Variants in LUZP4 observed in about 807,000 individuals in gnomAD.
LUZP4 encodes the protein leucine zipper protein 4, also known as HOM-TES-85 tumor antigen.
In LUZP4, 11 loss-of-function variants were observed where a neutral mutation model predicts 8.5. The ratio of observed to expected loss-of-function variants is 1.30; its 90% CI spans 0.82 to 2.14. The LOEUF is 2.14. Among genes scored for constraint, LUZP4 ranks in the 30% most tolerant of loss-of-function variants. LUZP4 has a pLI of 0.00. For synonymous variants in LUZP4, 104 were observed against 79.4 expected, an observed-to-expected ratio of 1.31 and a Z score of -1.65; for missense variants, 276 against 229.7, an observed-to-expected ratio of 1.20 and a Z score of -1.30.
intron 1 of LUZP4, among the ~76,000 whole-genome samples, chrX:115,292,841 C>CT (rs2073354393): frequency 9.0e-6 from 1 of 110,949 alleles, no homozygotes; most frequent in Non-Finnish European, 1.9e-5. Flanking sequence ...TGAAAAGTAA[C>CT]TAAGTATTTT....
In LUZP4 at chrX:115,306,395, G is replaced by A; in HGVS notation, c.533G>A (p.Gly178Glu). The A allele has an allele frequency of 8.3e-7, 1 of 1,211,080 alleles. No homozygotes were observed. Among genetic ancestry groups the A allele is most frequent in the South Asian group, 1.8e-5 (1 of 56,924 alleles). The part of the protein sequence containing the change: ...RSLSQSDRSQ[G>E]QLKRHHPQYE... ...CTTTCTCAGTCAGACAGATCTCAAG[G>A]GCAGCTAAAGAGACATCATCCCCAA... Residue 178 changes from glycine (G) to glutamate (E), a missense_variant, in exon 4 of 4, where the codon GGG becomes GAG. Transcript: ENST00000371920.
chrX:115,300,531 G>GT (rs1432874725), intron 1 of LUZP4, among the ~76,000 whole-genome samples: 1 of 112,290 alleles, frequency 8.9e-6, no homozygotes, highest in Non-Finnish European at 1.9e-5. Context: ...TACCTTTCAG[G>GT]TTTACTTGGA....
chrX:115,293,174 ATCTG>A (rs1284477366), intron 1 of LUZP4, among the ~76,000 whole-genome samples: 1 of 111,765 alleles, frequency 8.9e-6, no homozygotes, highest in Non-Finnish European at 1.9e-5. Context: ...CACTACAGCC[ATCTG>A]TCTGGCCACC....
intron 1 of LUZP4, among the ~76,000 whole-genome samples, chrX:115,298,961 T>C (rs1311814323): frequency 3.6e-5 from 4 of 111,297 alleles, no homozygotes; most frequent in Non-Finnish European, 7.5e-5. Context: ...TTTCCAGATA[T>C]TTGAAAGGAC....
At chrX:115,296,744 A>C (rs2073372409) in intron 1 of LUZP4, among the ~76,000 whole-genome samples, 2 of 111,501 alleles carry the variant, frequency 1.8e-5, no homozygotes, top group Admixed American at 1.9e-4. Context: ...CTGGAACTAC[A>C]AAGTCTAAGG....
At chrX:115,303,676 A>T (rs1556602613) in intron 3 of LUZP4, among the ~76,000 whole-genome samples, 7 of 112,267 alleles carry the variant, frequency 6.2e-5, no homozygotes. Context: ...TAGATTATTA[A>T]TTATTGTCAT....
chrX:115,306,704 T>A lies in LUZP4; in HGVS notation c.842T>A (p.Val281Glu). 8.3e-7 allele frequency: 1 copy of A among 1,211,054 alleles called. No homozygotes were observed. The highest frequency in any genetic ancestry group is 1.1e-6 in the Non-Finnish European group (1 of 895,362). The change falls in exon 4 of 4, where the codon GTG becomes GAG. Residue 281 changes from valine to glutamate, a missense_variant. Transcript: ENST00000371920. ...CTCATAGTCACTCAGAGAGATCTCG[T>A]GGCCACTGAGAGAGATCTCATAAAT... ...RDLIVTQRDL[V>E]ATERDLINQS...
intron 3 of LUZP4, among the ~76,000 whole-genome samples, chrX:115,303,702 ATTT>A (rs1275866305): frequency 8.9e-6 from 1 of 112,230 alleles, no homozygotes; most frequent in African/African-American, 3.2e-5. Flanking sequence ...CTATATAAGA[ATTT>A]TTATTTGTCC....
In LUZP4 at chrX:115,302,070, A is replaced by C; in HGVS notation, c.170A>C (p.Lys57Thr). The C allele has an allele frequency of 8.3e-7, 1 of 1,198,341 alleles. No homozygotes were observed. ...EKNKRQNHSK[K>T]ESPSRQQSKA... is the part of the protein sequence containing the mutation. ...AATAAAAGACAGAACCATAGTAAAA[A>C]GGAATCGCCTTCAAGACAGCAATCA... The change falls in exon 2 of 4, where the codon AAG becomes ACG. Residue 57 changes from lysine to threonine, a missense_variant. Transcript: ENST00000371920.
intron 2 of LUZP4, among the ~76,000 whole-genome samples, chrX:115,302,928 A>G (rs1447398755): frequency 1.8e-5 from 2 of 112,507 alleles, no homozygotes; most frequent in Admixed American, 9.4e-5. Flanking sequence ...TACCCAAACA[A>G]AGCAGACAAT....
At chrX:115,290,210 C>T (rs2073342651) in intron 1 of LUZP4, among the ~76,000 whole-genome samples, 1 of 111,745 alleles carries the variant, frequency 8.9e-6, no homozygotes, top group South Asian at 3.8e-4. Context: ...AACTACTGGC[C>T]TCCTTCAAAC....
At chrX:115,291,589 A>C (rs185441182) in intron 1 of LUZP4, among the ~76,000 whole-genome samples, 8 of 110,966 alleles carry the variant, frequency 7.2e-5, no homozygotes, top group African/African-American at 2.3e-4. Context: ...CTGAACTTTA[A>C]AAGGGGCAGG....
chrX:115,293,459 TG>T (rs1171648219), intron 1 of LUZP4, among the ~76,000 whole-genome samples: 3 of 109,879 alleles, frequency 2.7e-5, no homozygotes, highest in African/African-American at 9.9e-5. Flanking sequence ...TTTGTATTTT[TG>T]TAGAGACGGG....
At chrX:115,299,722 G>T (rs782138849) in intron 1 of LUZP4, among the ~76,000 whole-genome samples, 1 of 110,761 alleles carries the variant, frequency 9.0e-6, no homozygotes, top group Non-Finnish European at 1.9e-5. Flanking sequence ...AGTTCCAGAA[G>T]TGTTATCCAA....
intron 1 of LUZP4, among the ~76,000 whole-genome samples, chrX:115,293,677 G>A (rs891765064): frequency 9.0e-6 from 1 of 111,010 alleles, no homozygotes; most frequent in Non-Finnish European, 1.9e-5. Context: ...TGAGGCGGGC[G>A]TGGTGGCTCA....
chrX:115,298,236 T>TC (rs782165574), intron 1 of LUZP4, among the ~76,000 whole-genome samples: 1 of 111,494 alleles, frequency 9.0e-6, no homozygotes, highest in East Asian at 2.8e-4. Flanking sequence ...ACAGCTAATT[T>TC]TTGTGTTTTT....
chrX:115,295,485 C>CG (rs2073367105), intron 1 of LUZP4, among the ~76,000 whole-genome samples: 1 of 111,321 alleles, frequency 9.0e-6, no homozygotes, highest in Non-Finnish European at 1.9e-5. Context: ...TAAATTTCCC[C>CG]ATGTTTTTCT....
At chrX:115,296,133 G>A (rs1344305329) in intron 1 of LUZP4, among the ~76,000 whole-genome samples, 1 of 112,031 alleles carries the variant, frequency 8.9e-6, no homozygotes, top group African/African-American at 3.2e-5. Flanking sequence ...AAATTGTGGT[G>A]TATTTTACAT....
intron 1 of LUZP4, among the ~76,000 whole-genome samples, chrX:115,298,389 CT>C (rs2073380319): frequency 8.9e-6 from 1 of 112,700 alleles, no homozygotes; most frequent in Non-Finnish European, 1.9e-5. Flanking sequence ...CTTTCTACCC[CT>C]ATCTCTTTCT....
Sources: allele counts gnomAD v4.1 joint callset (sites outside exome capture counted in the v4.1 genomes callset), GRCh38; gene constraint gnomAD v4.1.1; transcripts MANE v1.5; gene names NCBI Gene and HGNC (gene_info 2026-07-23, HGNC 2026-07-21).